HRNR: variants seen among roughly 807,000 people sequenced by gnomAD.
HRNR encodes the protein filaggrin family member 3.
In HRNR, 7 loss-of-function variants were observed where a neutral mutation model predicts 4.8. That is an observed-to-expected ratio of 1.47 (90% confidence interval 0.83 to 2.75). The LOEUF is 2.75. Ranked by LOEUF, HRNR falls within the 30% of genes most tolerant of loss-of-function variation. The pLI, the probability that HRNR is intolerant of heterozygous loss-of-function variation, is 0.00. For missense variants in HRNR, 2,879 were observed against 3,010.4 expected, an observed-to-expected ratio of 0.96 and a Z score of 1.02; for synonymous variants, 1,023 against 1,242.7, an observed-to-expected ratio of 0.82 and a Z score of 3.72.
rs762746810 is a variant in HRNR at position 152,213,058 on chromosome 1, T to G, written c.*18A>C. 4 of 1,592,042 alleles carry G rather than the reference T, an allele frequency of 2.5e-6. No homozygotes were observed. The highest frequency in any genetic ancestry group is 3.4e-6 in the Non-Finnish European group (4 of 1,168,812). ...TTCTTAAATTGCTACTTGAGTAAAT[T>G]GCATTTATGTTTATTATTCACTGAT... On this transcript the variant is annotated 3_prime_UTR_variant, in exon 3 of 3. Transcript: ENST00000368801.
In HRNR at chr1:152,219,651, G is replaced by C. The variant is rs1395380111; in HGVS notation, c.1978C>G (p.Pro660Ala). The C allele has an allele frequency of 6.2e-7, 1 of 1,613,094 alleles. No individual in the cohort carries two copies. The highest frequency in any genetic ancestry group is 1.3e-5 in the African/African-American group (1 of 74,852). The change falls in exon 3 of 3, where the codon CCT (proline) becomes GCT (alanine). Residue 660 changes from proline to alanine, a missense_variant. Pro to Ala is a conservative substitution (Grantham distance 27, BLOSUM62 -1). Coordinates refer to ENST00000368801, the MANE Select transcript of HRNR (RefSeq NM_001009931.3). ...GQQGSGSGQS[P>A]SRGRHGSDFG... ...TCGGACCCATGTCGGCCGCGACTAG[G>C]AGACTGGCCAGATCCAGAGCCCTGT...
In HRNR at chr1:152,219,940, A is replaced by G. The variant is rs780534534; in HGVS notation, c.1689T>C (p.Tyr563=). 5 of 1,613,208 alleles carry G rather than the reference A, an allele frequency of 3.1e-6. No homozygotes were observed. Among genetic ancestry groups the G allele is most frequent in the Non-Finnish European group, 4.2e-6 (5 of 1,179,602 alleles). ...CACGGCTTGAAGACCTCCCTGAGCC[A>G]TACCCATGTGGGCCATAGCTGGAAG... is the stretch of plus-strand genomic sequence containing the variant. The part of the protein sequence containing the change: ...RQSSSYGPHG[Y]GSGRSSSRGP... The change falls in exon 3 of 3, where the codon TAT becomes TAC. Residue 563 remains tyrosine, a synonymous_variant. Transcript: ENST00000368801.
Position 152,221,500 on chromosome 1 carries a change from A to G in HRNR, c.139-10T>C, listed in dbSNP as rs202214216. 8.8e-5 allele frequency: 139 copies of G among 1,574,652 alleles called. No homozygotes were observed. The highest frequency in any genetic ancestry group is 5.1e-4 in the Middle Eastern group (3 of 5,856). ...CTGGATCGTTTGGATTCTGTATAAG[A>G]GAAAGGTACAAAGAGTAGCTCTGTT... On this transcript the variant is annotated splice_polypyrimidine_tract_variant and intron_variant, in intron 2 of 2. Transcript: ENST00000368801.
chr1:152,219,937 G>A lies in HRNR; in HGVS notation c.1692C>T (p.Gly564=), dbSNP rs201672145. Residue 564 remains glycine (G), a synonymous_variant, in exon 3 of 3, where the codon GGC becomes GGT. Coordinates refer to ENST00000368801, the MANE Select transcript of HRNR (RefSeq NM_001009931.3). ...GGCCACGGCTTGAAGACCTCCCTGA[G>A]CCATACCCATGTGGGCCATAGCTGG... ...QSSSYGPHGY[G]SGRSSSRGPY... is the part of the protein sequence containing the mutation. The A allele has an allele frequency of 9.6e-5, 155 of 1,613,242 alleles. 2 individuals are homozygous for A. The East Asian group carries it at 3.1e-3, about 32-fold the overall frequency.
rs752238836 is a variant in HRNR at position 152,220,390 on chromosome 1, G to A, written c.1239C>T (p.Arg413=). 3.3e-5 allele frequency: 53 copies of A among 1,613,912 alleles called. No homozygotes were observed. The highest frequency in any genetic ancestry group is 4.0e-5 in the Non-Finnish European group (47 of 1,180,016). Residue 413 remains arginine, a synonymous_variant, in exon 3 of 3, where the codon CGC becomes CGT. Transcript: ENST00000368801. ...GGCCAGATCCAGAGCTGTGTTGGCCGCGGCCTGAAGAGTGACGGGAGGCAG... is the reference window on the plus strand; with the variant it reads ...GGCCAGATCCAGAGCTGTGTTGGCCACGGCCTGAAGAGTGACGGGAGGCAG... ...HESASRHSSG[R]GQHSSGSGQS...
At position 152,219,305 on chromosome 1, in the gene HRNR, G is replaced by C; in HGVS notation, c.2324C>G (p.Ser775Cys). 1 of 1,613,658 alleles carries C rather than the reference G, an allele frequency of 6.2e-7. No homozygotes were observed. The highest frequency in any genetic ancestry group is 8.5e-7 in the Non-Finnish European group (1 of 1,179,960). ...HGRQGSGSGHSPSRVRHGSSS... is the reference protein window; with the variant it reads ...HGRQGSGSGHCPSRVRHGSSS... ...GGACCCATGTCGGACACGGCTAGGA[G>C]AGTGGCCAGATCCAGACCCTTGTCG... The change falls in exon 3 of 3, where the codon TCT becomes TGT. Residue 775 changes from serine (S) to cysteine (C), a missense_variant. Physicochemically the swap from Ser to Cys is moderately radical, Grantham distance 112. Transcript: ENST00000368801.
chr1:152,212,976 C>G lies in HRNR; in HGVS notation c.*100G>C, dbSNP rs974378625. 5 of 1,483,734 alleles carry G rather than the reference C, an allele frequency of 3.4e-6. No homozygotes were observed. The highest frequency in any genetic ancestry group is 4.5e-6 in the Non-Finnish European group (5 of 1,107,512). 91.9% of individuals were successfully genotyped at this position (1,483,734 alleles called of 1,614,324 possible). Reference sequence around the variant, plus strand: ...GAAATGCATTGATTCACTTTTAGAACGAATTTCATGATGGATTGCTTGTCT... The same window carrying G: ...GAAATGCATTGATTCACTTTTAGAAGGAATTTCATGATGGATTGCTTGTCT... On this transcript the variant is annotated 3_prime_UTR_variant, in exon 3 of 3. Transcript: ENST00000368801.
At position 152,218,882 on chromosome 1, in the gene HRNR, G is replaced by T. The variant is rs369856897; in HGVS notation, c.2747C>A (p.Ser916Tyr). ...AGACCCATGTCGGCCACTGCTGGAAGACCGACCGGAGCCAGACCCATGTCG... is the reference window on the plus strand; with the variant it reads ...AGACCCATGTCGGCCACTGCTGGAATACCGACCGGAGCCAGACCCATGTCG... ...YGRHGSGSGR[S>Y]SSSGRHGSGS... is the part of the protein sequence containing the mutation. The change falls in exon 3 of 3, where the codon TCT becomes TAT. Residue 916 changes from serine (S) to tyrosine (Y), a missense_variant. Physicochemically the swap from Ser to Tyr is moderately radical, Grantham distance 144. Coordinates refer to ENST00000368801, the MANE Select transcript of HRNR (RefSeq NM_001009931.3). The T allele has an allele frequency of 1.2e-6, 2 of 1,613,942 alleles. No individual in the cohort carries two copies. Among genetic ancestry groups the T allele is most frequent in the Admixed American group, 1.7e-5 (1 of 60,008 alleles).
chr1:152,219,055 G>T lies in HRNR; in HGVS notation c.2574C>A (p.Asp858Glu), dbSNP rs762074164. Residue 858 changes from aspartate to glutamate, a missense_variant, in exon 3 of 3, where the codon GAC becomes GAA. Asp to Glu is a conservative substitution (Grantham distance 45). Coordinates refer to ENST00000368801, the MANE Select transcript of HRNR (RefSeq NM_001009931.3). ...AGCTGGAAGATTGACCTGAGCTAGA[G>T]TCATGTTGGCCGGAGCTTGATGACT... ...SGQSSSSGQH[D>E]SSSGQSSSYG... 7 of 1,612,214 alleles carry T rather than the reference G, an allele frequency of 4.3e-6. No individual in the cohort carries two copies. Among genetic ancestry groups the T allele is most frequent in the East Asian group, 2.2e-5 (1 of 44,744 alleles).
chr1:152,220,538 T>A lies in HRNR; in HGVS notation c.1091A>T (p.His364Leu), dbSNP rs1384897514. The A allele has an allele frequency of 1.2e-6, 2 of 1,611,574 alleles. No individual in the cohort carries two copies. The highest frequency in any genetic ancestry group is 1.7e-6 in the Non-Finnish European group (2 of 1,178,408). The change falls in exon 3 of 3, where the codon CAT (histidine) becomes CTT (leucine). Residue 364 changes from histidine to leucine, a missense_variant. Transcript: ENST00000368801. ...GSGQSSGYSK[H>L]GSGSGHSSSQ... ...AGAGGAGTGACCTGAGCCAGAACCA[T>A]GCTTACTATAGCCAGAGGACTGTCC...
rs1281792195 is a variant in HRNR, at chr1:152,218,358, G to T, written c.3271C>A (p.Gln1091Lys). 1 of 1,611,520 alleles carries T rather than the reference G, an allele frequency of 6.2e-7. No homozygotes were observed. Among genetic ancestry groups the T allele is most frequent in the Admixed American group, 1.7e-5 (1 of 59,894 alleles). The change falls in exon 3 of 3, where the codon CAA becomes AAA. Residue 1091 changes from glutamine to lysine, a missense_variant. Around this residue, in one of 8 missense-constraint regions of HRNR, gnomAD observed 2,646 missense variants for 1,377.7 expected, o/e 1.92. Coordinates refer to ENST00000368801, the MANE Select transcript of HRNR (RefSeq NM_001009931.3). ...STSGQSSSCG[Q>K]HGASSGQSSS... is the part of the protein sequence containing the mutation. ...GACTGACCTGAGCTAGCTCCATGTT[G>T]GCCACAGCTCGATGACTGTCCTGAT...
At position 152,221,207 on chromosome 1, in the gene HRNR, G is replaced by A. The variant is rs920032602; in HGVS notation, c.422C>T (p.Ser141Phe). The part of the protein sequence containing the change: ...SWSAGENDSY[S>F]RNVRGSLKPG... ...TTTAAGACTTCCTCTGACGTTTCTG[G>A]AATAGGAATCATTCTCTCCTGCACT... is the stretch of plus-strand genomic sequence containing the variant. Residue 141 changes from serine to phenylalanine, a missense_variant, in exon 3 of 3, where the codon TCC (serine) becomes TTC (phenylalanine). By Grantham distance (155) the Ser-to-Phe change is radical (BLOSUM62 -2). Transcript: ENST00000368801. 1 of 1,614,024 alleles carries A rather than the reference G, an allele frequency of 6.2e-7. No homozygotes were observed. The highest frequency in any genetic ancestry group is 1.3e-5 in the African/African-American group (1 of 74,916).
Position 152,212,079 on chromosome 1 carries a change from T to C in HRNR, c.*997A>G, listed in dbSNP as rs1412048059. On this transcript the variant is annotated 3_prime_UTR_variant, in exon 3 of 3. Transcript: ENST00000368801. The stretch of plus-strand genomic sequence containing the variant: ...AGCACAGATGAGAAAAGTCTTAGTA[T>C]TTAATCAACATTTATTTATTGTCAA... 1 of 152,244 alleles carries C rather than the reference T, an allele frequency of 6.6e-6. No homozygotes were observed. Among genetic ancestry groups the C allele is most frequent in the Admixed American group, 6.5e-5 (1 of 15,284 alleles). The allele number at this position is 152,244 out of a possible 1,614,324, so 9.4% of individuals were successfully genotyped here. A position where few individuals can be genotyped will look rare whatever the true frequency, so the allele number is the denominator to read the frequency against.
At position 152,220,740 on chromosome 1, in the gene HRNR, C is replaced by T. The variant is rs771199419; in HGVS notation, c.889G>A (p.Gly297Ser). 35 of 1,613,832 alleles carry T rather than the reference C, an allele frequency of 2.2e-5. No individual in the cohort carries two copies. The East Asian group carries it at 2.5e-4, about 11-fold the overall frequency. Residue 297 changes from glycine (G) to serine (S), a missense_variant, in exon 3 of 3, where the codon GGC (glycine) becomes AGC (serine). By Grantham distance (56) the Gly-to-Ser change is moderately conservative (BLOSUM62 0). Around this residue, in one of 8 missense-constraint regions of HRNR, gnomAD observed 2,646 missense variants for 1,377.7 expected, o/e 1.92. Coordinates refer to ENST00000368801, the MANE Select transcript of HRNR (RefSeq NM_001009931.3). ...TGGCGAGATCCAGACCCTTGTCGGC[C>T]GTGGCCCAAAGACTGACGGGAACCA... Reference protein sequence around the residue: ...GSGSRQSLGHGRQGSGSRQSP... With the variant: ...GSGSRQSLGHSRQGSGSRQSP...
At position 152,219,246 on chromosome 1, in the gene HRNR, C is replaced by G. The variant is rs1208286406; in HGVS notation, c.2383G>C (p.Gly795Arg). Residue 795 changes from glycine to arginine, a missense_variant, in exon 3 of 3, where the codon GGG (glycine) becomes CGG (arginine). By Grantham distance (125) the Gly-to-Arg change is moderately radical. Transcript: ENST00000368801. ...CTGGAAGAACAACTTGTGCCAGACC[C>G]GTGTTGGCCGTGGCTGGAGGAGTGC... ...SGHSSSHGQH[G>R]SGTSCSSSCG... The G allele has an allele frequency of 6.2e-7, 1 of 1,613,668 alleles. No individual in the cohort carries two copies.
Position 152,221,433 on chromosome 1 carries a change from T to C in HRNR, c.196A>G (p.Asn66Asp). Residue 66 changes from asparagine (N) to aspartate (D), a missense_variant, in exon 3 of 3, where the codon AAC becomes GAC. Asn to Asp is a conservative substitution (Grantham distance 23, BLOSUM62 1). Coordinates refer to ENST00000368801, the MANE Select transcript of HRNR (RefSeq NM_001009931.3). ...TACTCAGTAAAATCCACTTTCTTGT[T>C]ATGGTCTCGATCCAGACTTTGCAAG... ...IILQSLDRDHNKKVDFTEYLL... is the reference protein window; with the variant it reads ...IILQSLDRDHDKKVDFTEYLL... The C allele has an allele frequency of 3.1e-6, 5 of 1,613,282 alleles. No homozygotes were observed. Among genetic ancestry groups the C allele is most frequent in the Non-Finnish European group, 4.2e-6 (5 of 1,179,568 alleles).
rs887058956 is a variant in HRNR, at chr1:152,219,049, G to T, written c.2580C>A (p.Ser860Arg). The T allele has an allele frequency of 6.2e-7, 1 of 1,613,844 alleles. No individual in the cohort carries two copies. The highest frequency in any genetic ancestry group is 8.5e-7 in the Non-Finnish European group (1 of 1,180,000). ...QSSSSGQHDS[S>R]SGQSSSYGQH... ...GACCATAGCTGGAAGATTGACCTGA[G>T]CTAGAGTCATGTTGGCCGGAGCTTG... is the stretch of plus-strand genomic sequence containing the variant. Residue 860 changes from serine to arginine, a missense_variant, in exon 3 of 3, where the codon AGC (serine) becomes AGA (arginine). Ser to Arg is a moderately radical substitution (Grantham distance 110, BLOSUM62 -1). Coordinates refer to ENST00000368801, the MANE Select transcript of HRNR (RefSeq NM_001009931.3).
Position 152,212,808 on chromosome 1 carries a change from T to C in HRNR, c.*268A>G. On this transcript the variant is annotated 3_prime_UTR_variant, in exon 3 of 3. Transcript: ENST00000368801. ...CCCAAAGCTCTTTAAAAGCTTTTCA[T>C]TATTCCTCAAAGTTTAACCCTCATT... The C allele has an allele frequency of 1.9e-6, 1 of 514,036 alleles. No individual in the cohort carries two copies. The highest frequency in any genetic ancestry group is 3.4e-6 in the Non-Finnish European group (1 of 295,694). The allele number at this position is 514,036 out of a possible 1,614,324, so 31.8% of individuals were successfully genotyped here. A position where few individuals can be genotyped will look rare whatever the true frequency, so the allele number is the denominator to read the frequency against.
chr1:152,218,515 G>T lies in HRNR; in HGVS notation c.3114C>A (p.Gly1038=), dbSNP rs561488430. ...AGTGACCGGAGCCAGACTCATATGG[G>T]CCACGGCTTGAAGACCACCCTGAGC... ...RSGSGWSSSR[G]PYESGSGHSS... Residue 1038 remains glycine (G), a synonymous_variant, in exon 3 of 3, where the codon GGC becomes GGA. Coordinates refer to ENST00000368801, the MANE Select transcript of HRNR (RefSeq NM_001009931.3). The T allele has an allele frequency of 1.9e-6, 3 of 1,613,540 alleles. No homozygotes were observed. Among genetic ancestry groups the T allele is most frequent in the African/African-American group, 2.7e-5 (2 of 74,772 alleles).
Sources: gnomAD v4.1 joint callset for allele counts on GRCh38, gnomAD v4.1.1 for gene constraint, gnomAD v4.1.1 regional missense constraint, MANE v1.5 for transcripts, NCBI Gene and HGNC (gene_info 2026-07-23, HGNC 2026-07-21) for gene names.